Variants in DACH2 observed in about 807,000 individuals in gnomAD.
The protein encoded by DACH2 is dachshund homolog 2.
In DACH2, 17 loss-of-function variants were observed where a neutral mutation model predicts 35.8. That is an observed-to-expected ratio of 0.48 (90% CI 0.33 to 0.71). DACH2 has a LOEUF of 0.71. Ranked by LOEUF, DACH2 falls within the 30% of genes least tolerant of loss-of-function variation. The pLI, the probability that DACH2 is intolerant of heterozygous loss-of-function variation, is 0.02. For missense variants in DACH2, 469 were observed against 472.7 expected (o/e 0.99, Z 0.07); for synonymous variants, 195 against 177.3 (o/e 1.10, Z -0.79).
chrX:86,255,679 C>A (rs189701287), intron 1 of DACH2, among the ~76,000 whole-genome samples: 1 of 111,696 alleles, frequency 9.0e-6, no homozygotes, highest in East Asian at 2.8e-4. Flanking sequence ...TCCTTCCCAG[C>A]AGTCTAAGTT....
intron 3 of DACH2, among the ~76,000 whole-genome samples, chrX:86,641,929 G>C (rs2040351691): frequency 8.9e-6 from 1 of 111,862 alleles, no homozygotes; most frequent in Non-Finnish European, 1.9e-5. Flanking sequence ...ATTACCACTA[G>C]AAGTGTCTTA....
chrX:86,651,785 AC>A (rs200239293), intron 4 of DACH2, among the ~76,000 whole-genome samples: 4,362 of 111,345 alleles, frequency 0.039, 250 homozygotes, highest in African/African-American at 0.14. Context: ...TGATCATAAG[AC>A]CCTTCAGATC....
At chrX:86,641,098 GGC>G (rs752107610) in intron 3 of DACH2, among the ~76,000 whole-genome samples, 1 of 111,801 alleles carries the variant, frequency 8.9e-6, no homozygotes, top group East Asian at 2.8e-4. Context: ...TTCTTAACAA[GGC>G]AAAACTGCCT....
intron 1 of DACH2, among the ~76,000 whole-genome samples, chrX:86,307,179 A>G (rs1204639340): frequency 2.7e-5 from 3 of 111,806 alleles, no homozygotes; most frequent in African/African-American, 6.5e-5. Flanking sequence ...AAACAAAATG[A>G]TGAACTCAAG....
intron 2 of DACH2, among the ~76,000 whole-genome samples, chrX:86,464,113 A>G (rs1339363944): frequency 9.0e-6 from 1 of 111,191 alleles, no homozygotes; most frequent in Non-Finnish European, 1.9e-5. Context: ...ACAGTGTGGC[A>G]GCTCCTCAAG....
chrX:86,816,159 G>A (rs1466025183), intron 11 of DACH2, 60 bp downstream of exon 11: 1 of 796,501 alleles, frequency 1.3e-6, no homozygotes, highest in African/African-American at 2.1e-5. Context: ...TGGGGATGAG[G>A]TGGGGATGAG....
intron 3 of DACH2, among the ~76,000 whole-genome samples, chrX:86,554,334 G>T (rs770614046): frequency 9.0e-6 from 1 of 111,106 alleles, no homozygotes; most frequent in East Asian, 2.8e-4. Flanking sequence ...TATCATCTTT[G>T]TGGAAATGTA....
intron 3 of DACH2, among the ~76,000 whole-genome samples, chrX:86,517,237 C>A (rs773646308): frequency 9.0e-6 from 1 of 111,153 alleles, no homozygotes; most frequent in African/African-American, 3.3e-5. Context: ...TTAGTAATAG[C>A]CATTCTGATT....
At chrX:86,520,925 G>A (rs2038544345) in intron 3 of DACH2, among the ~76,000 whole-genome samples, 1 of 111,244 alleles carries the variant, frequency 9.0e-6, no homozygotes, top group African/African-American at 3.3e-5. Flanking sequence ...GATATTTGTG[G>A]ATTTTATCCT....
chrX:86,209,902 A>G (rs1008624006), intron 1 of DACH2, among the ~76,000 whole-genome samples: 1 of 111,837 alleles, frequency 8.9e-6, no homozygotes, highest in Non-Finnish European at 1.9e-5. Context: ...TTCTGAATCA[A>G]TGTTTAGAAG....
At chrX:86,794,074 G>C (rs1398908644) in intron 7 of DACH2, among the ~76,000 whole-genome samples, 1 of 111,396 alleles carries the variant, frequency 9.0e-6, no homozygotes, top group Non-Finnish European at 1.9e-5. Context: ...CCTGTATAAG[G>C]CTTTTAAGAT....
chrX:86,298,955 G>A (rs1013063969), intron 1 of DACH2, among the ~76,000 whole-genome samples: 1 of 111,955 alleles, frequency 8.9e-6, no homozygotes, highest in Non-Finnish European at 1.9e-5. Context: ...GAATGATAAG[G>A]ACACTCCACC....
intron 5 of DACH2, among the ~76,000 whole-genome samples, chrX:86,709,346 G>A (rs2041253594): frequency 1.8e-5 from 2 of 111,348 alleles, no homozygotes; most frequent in African/African-American, 6.5e-5. Context: ...GGAACAATTG[G>A]GATATCACAT....
At chrX:86,337,559 G>A (rs561395925) in intron 1 of DACH2, among the ~76,000 whole-genome samples, 3 of 111,981 alleles carry the variant, frequency 2.7e-5, no homozygotes. Context: ...GCTCCTGAAA[G>A]AAGCACTAAA....
intron 1 of DACH2, among the ~76,000 whole-genome samples, chrX:86,290,418 T>G (rs1602363076): frequency 1.6e-5 from 1 of 60,767 alleles, no homozygotes; most frequent in Non-Finnish European, 2.8e-5. Flanking sequence ...CAGAAGCTCT[T>G]TAGTTTAATT....
intron 2 of DACH2, among the ~76,000 whole-genome samples, chrX:86,474,983 C>A (rs2037820098): frequency 9.0e-6 from 1 of 111,718 alleles, no homozygotes; most frequent in Admixed American, 9.5e-5. Context: ...ATCCACCCTC[C>A]TCTGCCTCCC....
Position 86,783,832 on chromosome X carries a change from G to T in DACH2, c.1241-29024G>T, listed in dbSNP as rs59418581. On this transcript the variant is annotated intron_variant, in intron 7 of 11. Coordinates refer to ENST00000373125, the MANE Select transcript of DACH2 (RefSeq NM_053281.3). The stretch of plus-strand genomic sequence containing the variant: ...ACAGAATAGAAAGAAGGCTACCAGA[G>T]GGTGATAAGGGTAGTGGGAGGGTCA... Among the ~76,000 whole-genome samples the T allele has an allele frequency of 3.0e-3, 338 of 111,423 alleles. 1 individual carries two copies. In the East Asian group the frequency reaches 0.036, roughly 12 times the overall value.
At chrX:86,303,256 TTTC>T (rs2034610500) in intron 1 of DACH2, among the ~76,000 whole-genome samples, 1 of 108,684 alleles carries the variant, frequency 9.2e-6, no homozygotes, top group African/African-American at 3.4e-5. Context: ...TGGTCCCAAG[TTTC>T]CTCACTCCTA....
At chrX:86,526,142 A>G (rs2038628383) in intron 3 of DACH2, among the ~76,000 whole-genome samples, 1 of 111,338 alleles carries the variant, frequency 9.0e-6, no homozygotes, top group Admixed American at 9.6e-5. Context: ...ATTATACTAA[A>G]GCATGTAGTT....
Sources: gnomAD v4.1 joint callset for allele counts (sites outside exome capture counted in the v4.1 genomes callset) on GRCh38, gnomAD v4.1.1 for gene constraint, MANE v1.5 for transcripts, NCBI Gene and HGNC (gene_info 2026-07-23, HGNC 2026-07-21) for gene names.